Variants in CEP192 observed in about 807,000 individuals in gnomAD.
CEP192 encodes centrosomal protein 192.
Under a neutral mutation model 271.8 loss-of-function variants are expected in CEP192, and 151 were observed. That is an observed-to-expected ratio of 0.56 (90% CI 0.49 to 0.64). The LOEUF (loss-of-function observed/expected upper bound fraction) is 0.64, where lower values mean the gene tolerates loss of function less well. Ranked by LOEUF, CEP192 falls within the 30% of genes least tolerant of loss-of-function variation. CEP192 has a pLI of 0.00. For synonymous variants in CEP192, 995 were observed against 1,076.5 expected (o/e 0.92, Z 1.48); for missense variants, 2,910 against 3,020.5 (o/e 0.96, Z 0.86).
chr18:13,083,571 AG>A (rs1451656235), intron 30 of CEP192, among the ~76,000 whole-genome samples: 1 of 152,136 alleles, frequency 6.6e-6, no homozygotes, highest in Non-Finnish European at 1.5e-5. Flanking sequence ...ATTCTCCTTT[AG>A]CTCGGAGAAG....
chr18:13,069,857 G>C lies in CEP192; in HGVS notation c.5174+1G>C, dbSNP rs756574367. ...AGGATCCTGAAGCCTGCGAGGAAAGGTAATATAAAAATGTTATAATGGACC... is the reference window on the plus strand; with the variant it reads ...AGGATCCTGAAGCCTGCGAGGAAAGCTAATATAAAAATGTTATAATGGACC... On this transcript the variant is annotated splice_donor_variant, in intron 27 of 44. Transcript: ENST00000506447. LOFTEE classifies it high-confidence loss of function. The C allele has an allele frequency of 1.9e-6, 3 of 1,546,624 alleles. No individual in the cohort carries two copies. The highest frequency in any genetic ancestry group is 2.7e-6 in the Non-Finnish European group (3 of 1,119,564).
intron 29 of CEP192, 37 bp from the exon 30 acceptor site, chr18:13,072,972 G>A (rs761987293): frequency 6.3e-7 from 1 of 1,587,816 alleles, no homozygotes; most frequent in South Asian, 1.1e-5. Context: ...TTGTGCTACT[G>A]CTTTGTTTTA....
chr18:13,107,329 C>CA (rs201098800), intron 40 of CEP192, among the ~76,000 whole-genome samples: 2 of 152,086 alleles, frequency 1.3e-5, no homozygotes, highest in African/African-American at 4.8e-5. Flanking sequence ...GACCTTGTCT[C>CA]AAAAAAATTT....
intron 40 of CEP192, among the ~76,000 whole-genome samples, chr18:13,113,373 T>C (rs1166588495): frequency 6.6e-6 from 1 of 152,244 alleles, no homozygotes; most frequent in Non-Finnish European, 1.5e-5. Context: ...AAATATGTTA[T>C]ATAAAGCCTT....
chr18:13,069,047 T>G, intron 25 of CEP192, 42 bp from the exon 26 acceptor site: 1 of 1,614,004 alleles, frequency 6.2e-7, no homozygotes, highest in Non-Finnish European at 8.5e-7. Context: ...GATTTCACTT[T>G]GTGACAGTTC....
intron 40 of CEP192, among the ~76,000 whole-genome samples, chr18:13,111,000 C>T (rs2040185117): frequency 1.3e-5 from 2 of 152,224 alleles, no homozygotes; most frequent in African/African-American, 2.4e-5. Flanking sequence ...GGGCCTTCCT[C>T]TCCCAGTTCA....
At chr18:13,084,883 G>A (rs562371495) in intron 30 of CEP192, among the ~76,000 whole-genome samples, 1 of 151,410 alleles carries the variant, frequency 6.6e-6, no homozygotes, top group Admixed American at 6.6e-5. Flanking sequence ...GTACAATCTC[G>A]GCTCACTGCA....
chr18:13,057,211 G>T (rs539223695), intron 19 of CEP192, among the ~76,000 whole-genome samples: 4 of 151,636 alleles, frequency 2.6e-5, no homozygotes, highest in African/African-American at 9.7e-5. Flanking sequence ...AATCTGATAC[G>T]TGTCCACATC....
intron 20 of CEP192, 62 bp downstream of exon 20, chr18:13,057,795 C>T: frequency 6.6e-7 from 1 of 1,517,062 alleles, no homozygotes; most frequent in Non-Finnish European, 9.1e-7. Context: ...TGCTTGATTT[C>T]CCCCATCTCT....
chr18:13,021,574 G>T (rs1036236564), intron 9 of CEP192, among the ~76,000 whole-genome samples: 3 of 152,134 alleles, frequency 2.0e-5, no homozygotes, highest in Non-Finnish European at 1.5e-5. Flanking sequence ...TCTTTTTCAA[G>T]ATTTTTTTGG....
At chr18:13,112,213 G>A (rs753071855) in intron 40 of CEP192, among the ~76,000 whole-genome samples, 2 of 152,228 alleles carry the variant, frequency 1.3e-5, no homozygotes, top group Non-Finnish European at 1.5e-5. Context: ...ACAAAAAAGT[G>A]GGAATCACCC....
intron 23 of CEP192, 51 bp downstream of exon 23, chr18:13,068,288 C>G: frequency 6.2e-7 from 1 of 1,603,794 alleles, no homozygotes; most frequent in Non-Finnish European, 8.5e-7. Context: ...TTCTAAACCT[C>G]TTTTCTTTCA....
chr18:13,087,181 A>G lies in CEP192; in HGVS notation c.5781A>G (p.Ala1927=). 2 of 1,614,080 alleles carry G rather than the reference A, an allele frequency of 1.2e-6. No homozygotes were observed. Among genetic ancestry groups the G allele is most frequent in the Non-Finnish European group, 1.7e-6 (2 of 1,179,924 alleles). ...NTGSRAAFVK[A]VGFKDSQKKV... ...GCTCCCGAGCAGCTTTTGTTAAAGC[A>G]GTAGGTTTTAAGGATTCTCAGAAAA... is the stretch of plus-strand genomic sequence containing the variant. Residue 1927 remains alanine, a synonymous_variant, in exon 31 of 45, where the codon GCA becomes GCG. Transcript: ENST00000506447.
At chr18:12,999,666 T>C in intron 2 of CEP192, 78 bp downstream of exon 2, 1 of 1,104,194 alleles carries the variant, frequency 9.1e-7, no homozygotes, top group Non-Finnish European at 1.2e-6. Context: ...TGTTTCTCAG[T>C]CAAGCTTGAG....
chr18:13,105,597 G>A (rs1272480083), intron 40 of CEP192, among the ~76,000 whole-genome samples: 1 of 152,148 alleles, frequency 6.6e-6, no homozygotes, highest in East Asian at 1.9e-4. Flanking sequence ...TCATTTATTA[G>A]ACATTCAGAC....
rs141374428 is a variant in CEP192, at chr18:13,100,252, G to A, written c.6664-53G>A. 2.0e-3 allele frequency: 2,529 copies of A among 1,261,784 alleles called. 21 individuals are homozygous for A. Among genetic ancestry groups the A allele is most frequent in the African/African-American group, 0.019 (1,296 of 67,524 alleles). 78.2% of individuals were successfully genotyped at this position (1,261,784 alleles called of 1,614,324 possible). A position where few individuals can be genotyped will look rare whatever the true frequency, so the allele number is the denominator to read the frequency against. On this transcript the variant is annotated intron_variant, in intron 37 of 44. Transcript: ENST00000506447. ...CATGGTTTAAAAATGGAATTGTTTC[G>A]TTTAAAGTGATAGATACGTTTGTAG... is the stretch of plus-strand genomic sequence containing the variant.
At chr18:13,106,543 ATCTC>A (rs2039960882) in intron 40 of CEP192, among the ~76,000 whole-genome samples, 1 of 115,144 alleles carries the variant, frequency 8.7e-6, no homozygotes, top group African/African-American at 3.5e-5. Context: ...CACCTCCCCC[ATCTC>A]CCACACAACC....
intron 11 of CEP192, among the ~76,000 whole-genome samples, chr18:13,034,821 A>T (rs906514091): frequency 1.1e-4 from 5 of 45,822 alleles, no homozygotes; most frequent in African/African-American, 3.8e-4. Flanking sequence ...TCTGTCTCAT[A>T]AAAAAAAAAA....
intron 40 of CEP192, among the ~76,000 whole-genome samples, chr18:13,112,416 A>G (rs962453086): frequency 6.6e-6 from 1 of 152,212 alleles, no homozygotes; most frequent in Non-Finnish European, 1.5e-5. Flanking sequence ...AATGTCTAGG[A>G]CAGGCAGATC....
Sources: allele counts gnomAD v4.1 joint callset (sites outside exome capture counted in the v4.1 genomes callset), GRCh38; gene constraint gnomAD v4.1.1; transcripts MANE v1.5; gene names NCBI Gene and HGNC (gene_info 2026-07-23, HGNC 2026-07-21).